DPP10: variants seen among roughly 807,000 people sequenced by gnomAD.
DPP10 encodes inactive dipeptidyl peptidase 10.
A neutral mutation model predicts 120.9 loss-of-function variants in DPP10; 33 were observed. That is an observed-to-expected ratio of 0.27 (90% CI 0.21 to 0.37). DPP10 has a LOEUF of 0.37. DPP10 is among the 10% of genes least tolerant of loss of function. The pLI is 1.00. For synonymous variants in DPP10, 337 were observed against 326.1 expected, an observed-to-expected ratio of 1.03 and a Z score of -0.36; for missense variants, 816 against 942.8, an observed-to-expected ratio of 0.87 and a Z score of 1.76.
intron 3 of DPP10, among the ~76,000 whole-genome samples, chr2:115,426,685 CT>C (rs1200943925): frequency 6.6e-6 from 1 of 152,150 alleles, no homozygotes; most frequent in Non-Finnish European, 1.5e-5. Context: ...CCAGGTGCCA[CT>C]TCCAACACGA....
chr2:115,744,446 C>A (rs2149709917), intron 9 of DPP10, among the ~76,000 whole-genome samples: 1 of 150,518 alleles, frequency 6.6e-6, no homozygotes, highest in South Asian at 2.1e-4. Context: ...TGTTCCCGGG[C>A]ACTGTTGGGC....
intron 1 of DPP10, among the ~76,000 whole-genome samples, chr2:115,223,458 C>T (rs1486681086): frequency 2.0e-5 from 3 of 151,856 alleles, no homozygotes; most frequent in African/African-American, 7.3e-5. Flanking sequence ...ACTAGTAGTT[C>T]TAGGTACATA....
chr2:114,980,382 C>T (rs189021891), intron 1 of DPP10, among the ~76,000 whole-genome samples: 2 of 152,126 alleles, frequency 1.3e-5, no homozygotes, highest in African/African-American at 2.4e-5. Context: ...AATATAGTCA[C>T]AAATCTTCTG....
chr2:114,629,759 T>C (rs184381488), intron 1 of DPP10, among the ~76,000 whole-genome samples: 162 of 152,314 alleles, frequency 1.1e-3, no homozygotes, highest in African/African-American at 3.3e-3. Flanking sequence ...TGAAGCAGCA[T>C]TTCTAGTAGT....
At chr2:115,390,707 TA>T (rs1334424640) in intron 3 of DPP10, among the ~76,000 whole-genome samples, 1 of 152,174 alleles carries the variant, frequency 6.6e-6, no homozygotes. Flanking sequence ...TAAATACCAT[TA>T]CTCATATGCT....
At chr2:115,447,097 C>T (rs2104928908) in intron 3 of DPP10, among the ~76,000 whole-genome samples, 1 of 152,202 alleles carries the variant, frequency 6.6e-6, no homozygotes, top group Non-Finnish European at 1.5e-5. Context: ...CTGCCCAAGG[C>T]CATGTGAATA....
intron 7 of DPP10, among the ~76,000 whole-genome samples, chr2:115,718,832 T>C (rs1362257108): frequency 6.6e-6 from 1 of 151,878 alleles, no homozygotes; most frequent in Non-Finnish European, 1.5e-5. Flanking sequence ...GACAATGGGG[T>C]GGCAAAGGAA....
intron 1 of DPP10, among the ~76,000 whole-genome samples, chr2:114,567,404 G>C (rs987269803): frequency 3.9e-5 from 6 of 152,064 alleles, no homozygotes; most frequent in Admixed American, 6.6e-5. Flanking sequence ...GAGTTATTCT[G>C]GTGGGACTGA....
At chr2:115,389,498 G>C (rs902017260) in intron 3 of DPP10, among the ~76,000 whole-genome samples, 8 of 152,180 alleles carry the variant, frequency 5.3e-5, no homozygotes, top group Admixed American at 2.6e-4. Flanking sequence ...CCTCTCACAT[G>C]AGCCTGATAC....
At chr2:115,685,502 A>G (rs923514510) in intron 5 of DPP10, among the ~76,000 whole-genome samples, 4 of 151,976 alleles carry the variant, frequency 2.6e-5, no homozygotes, top group Non-Finnish European at 5.9e-5. Flanking sequence ...CAGAGATTAC[A>G]TTTATTTTGG....
chr2:115,365,674 A>T (rs572689712), intron 3 of DPP10, among the ~76,000 whole-genome samples: 14 of 152,200 alleles, frequency 9.2e-5, no homozygotes, highest in Non-Finnish European at 1.8e-4. Flanking sequence ...ACTTTGCCAT[A>T]AGGTATTTAA....
At chr2:115,382,321 C>G (rs1406992681) in intron 3 of DPP10, among the ~76,000 whole-genome samples, 1 of 152,120 alleles carries the variant, frequency 6.6e-6, no homozygotes, top group East Asian at 1.9e-4. Context: ...ACCTGATTTT[C>G]CAGGTGCCGT....
chr2:114,879,843 G>T (rs1691464076), intron 1 of DPP10, among the ~76,000 whole-genome samples: 1 of 152,118 alleles, frequency 6.6e-6, no homozygotes, highest in South Asian at 2.1e-4. Context: ...CTGTCAATGA[G>T]CTTCCCTCAA....
At chr2:115,155,927 C>G (rs1347674567) in intron 1 of DPP10, among the ~76,000 whole-genome samples, 1 of 152,120 alleles carries the variant, frequency 6.6e-6, no homozygotes, top group African/African-American at 2.4e-5. Flanking sequence ...TTGTCTCTTC[C>G]TCTTCTTTCT....
chr2:114,685,599 C>T (rs1275030564), intron 1 of DPP10, among the ~76,000 whole-genome samples: 2 of 151,976 alleles, frequency 1.3e-5, no homozygotes, highest in South Asian at 2.1e-4. Context: ...ATCTTTTCTT[C>T]ACCCTAAACT....
intron 3 of DPP10, among the ~76,000 whole-genome samples, chr2:115,461,703 G>A (rs1185121004): frequency 6.6e-6 from 1 of 151,980 alleles, no homozygotes; most frequent in African/African-American, 2.4e-5. Flanking sequence ...AATAAAAATG[G>A]TTTATTTTCT....
At chr2:115,571,833 T>C in intron 5 of DPP10, among the ~76,000 whole-genome samples, 1 of 145,068 alleles carries the variant, frequency 6.9e-6, no homozygotes, top group East Asian at 2.1e-4. Flanking sequence ...TATTATACTT[T>C]CCTCCAATAT....
At chr2:114,925,185 T>A (rs989608599) in intron 1 of DPP10, among the ~76,000 whole-genome samples, 16 of 122,994 alleles carry the variant, frequency 1.3e-4, no homozygotes, top group African/African-American at 5.1e-4. Flanking sequence ...CACTCCAGCC[T>A]GGGCAACAGA....
intron 1 of DPP10, among the ~76,000 whole-genome samples, chr2:114,738,965 A>G (rs1008041193): frequency 1.3e-5 from 2 of 152,180 alleles, no homozygotes; most frequent in African/African-American, 2.4e-5. Context: ...TCCTAATTCA[A>G]GACAGGTATG....
Sources: allele counts gnomAD v4.1 joint callset (sites outside exome capture counted in the v4.1 genomes callset), GRCh38; gene constraint gnomAD v4.1.1; transcripts MANE v1.5; gene names NCBI Gene and HGNC (gene_info 2026-07-23, HGNC 2026-07-21).